Variants in ERBB4 observed in about 807,000 individuals in gnomAD.
The protein encoded by ERBB4 is erb-b2 receptor tyrosine kinase 4, also known as receptor tyrosine-protein kinase erbB-4.
A neutral mutation model predicts 158.0 loss-of-function variants in ERBB4; 42 were observed. That is an observed-to-expected ratio of 0.27 (90% CI 0.21 to 0.34). The LOEUF is 0.34. Among genes scored for constraint, ERBB4 ranks in the 10% least tolerant of loss-of-function variants. ERBB4 has a pLI of 1.00. For missense variants in ERBB4, 1,333 were observed against 1,624.1 expected (o/e 0.82, Z 3.08); for synonymous variants, 583 against 558.7 (o/e 1.04, Z -0.61).
At chr2:212,358,359 C>T (rs2089545965) in intron 1 of ERBB4, among the ~76,000 whole-genome samples, 1 of 150,892 alleles carries the variant, frequency 6.6e-6, no homozygotes. Context: ...GTTCTTAGCA[C>T]TTTTTTTAAA....
chr2:211,392,601 C>CA (rs1559122671), intron 25 of ERBB4, among the ~76,000 whole-genome samples: 33 of 134,224 alleles, frequency 2.5e-4, no homozygotes, highest in South Asian at 7.2e-4. Flanking sequence ...CACACACACA[C>CA]CCCAATAATG....
At chr2:212,149,502 C>A (rs2080797464) in intron 1 of ERBB4, among the ~76,000 whole-genome samples, 1 of 151,796 alleles carries the variant, frequency 6.6e-6, no homozygotes, top group Admixed American at 6.6e-5. Flanking sequence ...ACAATATTAC[C>A]AAATAAAAAA....
chr2:212,333,084 C>T lies in ERBB4; in HGVS notation c.82+205365G>A, dbSNP rs144387104. Among the ~76,000 whole-genome samples the T allele has an allele frequency of 4.6e-5, 7 of 152,116 alleles. No homozygotes were observed. In the East Asian group the frequency reaches 1.4e-3, roughly 30 times the overall value. The stretch of plus-strand genomic sequence containing the variant: ...TGTGAGGTGGTTAAAATGAAAAGCA[C>T]ACACATGTATACTTGCACACATATG... On this transcript the variant is annotated intron_variant, in intron 1 of 27. Transcript: ENST00000342788.
intron 3 of ERBB4, among the ~76,000 whole-genome samples, chr2:211,945,313 A>C (rs1158696805): frequency 2.0e-5 from 3 of 152,132 alleles, no homozygotes; most frequent in Admixed American, 1.3e-4. Context: ...ACTATCAACC[A>C]GAATACCTAA....
chr2:211,649,945 A>G (rs1442967574), intron 16 of ERBB4, among the ~76,000 whole-genome samples: 1 of 152,010 alleles, frequency 6.6e-6, no homozygotes, highest in Non-Finnish European at 1.5e-5. Context: ...GCTCCTGCCT[A>G]TATACATAGT....
chr2:212,143,277 G>A (rs1472065922), intron 1 of ERBB4, among the ~76,000 whole-genome samples: 1 of 152,020 alleles, frequency 6.6e-6, no homozygotes, highest in African/African-American at 2.4e-5. Context: ...CCTAACAATT[G>A]TATGCCAATT....
At chr2:212,160,664 T>C (rs888109704) in intron 1 of ERBB4, among the ~76,000 whole-genome samples, 5 of 152,044 alleles carry the variant, frequency 3.3e-5, no homozygotes, top group African/African-American at 1.2e-4. Flanking sequence ...TGCCAAATTC[T>C]ACTGAAAATT....
chr2:212,514,772 T>C (rs1183819034), intron 1 of ERBB4, among the ~76,000 whole-genome samples: 1 of 152,188 alleles, frequency 6.6e-6, no homozygotes, highest in Non-Finnish European at 1.5e-5. Context: ...ACCACTGTAC[T>C]CCAGCCTGGT....
chr2:211,460,653 G>A (rs2033645), intron 20 of ERBB4, among the ~76,000 whole-genome samples: 144,242 of 152,268 alleles, frequency 0.95, 68,335 homozygotes, highest in Middle Eastern at 0.99. Context: ...CAGTTTTTGT[G>A]TATTTCAACT....
intron 1 of ERBB4, among the ~76,000 whole-genome samples, chr2:212,381,287 G>T (rs2090495147): frequency 6.6e-6 from 1 of 151,248 alleles, no homozygotes; most frequent in Non-Finnish European, 1.5e-5. Context: ...AGAAGCAGTT[G>T]TACCTAAATG....
intron 3 of ERBB4, among the ~76,000 whole-genome samples, chr2:211,789,236 A>T (rs1267703940): frequency 1.3e-5 from 2 of 152,190 alleles, no homozygotes; most frequent in Admixed American, 1.3e-4. Flanking sequence ...AAAGTGTTCA[A>T]CTACAATTAA....
At chr2:212,237,770 C>A (rs1470141136) in intron 1 of ERBB4, among the ~76,000 whole-genome samples, 3 of 152,200 alleles carry the variant, frequency 2.0e-5, no homozygotes, top group Non-Finnish European at 4.4e-5. Flanking sequence ...TCAGAGATGT[C>A]CTGCCCAGAG....
intron 1 of ERBB4, among the ~76,000 whole-genome samples, chr2:212,457,458 C>T (rs921365909): frequency 6.6e-6 from 1 of 152,010 alleles, no homozygotes; most frequent in African/African-American, 2.4e-5. Context: ...AGAGTATCCT[C>T]TCAGAAATGG....
intron 7 of ERBB4, among the ~76,000 whole-genome samples, chr2:211,716,984 A>C (rs2073939586): frequency 6.6e-6 from 1 of 152,216 alleles, no homozygotes; most frequent in Non-Finnish European, 1.5e-5. Flanking sequence ...TGGAGTTGAC[A>C]GCTTTCAGGT....
At chr2:212,521,851 T>C (rs1471016998) in intron 1 of ERBB4, among the ~76,000 whole-genome samples, 1 of 151,898 alleles carries the variant, frequency 6.6e-6, no homozygotes, top group Admixed American at 6.6e-5. Flanking sequence ...CATGATCAAT[T>C]CCAAAAAGTT....
At chr2:211,567,139 G>A in intron 19 of ERBB4, among the ~76,000 whole-genome samples, 1 of 152,160 alleles carries the variant, frequency 6.6e-6, no homozygotes, top group East Asian at 1.9e-4. Context: ...TGCAAAATGA[G>A]GAAACCAAAA....
At chr2:211,976,370 T>A (rs553739447) in intron 2 of ERBB4, among the ~76,000 whole-genome samples, 1 of 152,302 alleles carries the variant, frequency 6.6e-6, no homozygotes, top group South Asian at 2.1e-4. Context: ...TTAATTAGCT[T>A]CATTTCTTGT....
chr2:212,019,757 G>A (rs1350940396), intron 2 of ERBB4, among the ~76,000 whole-genome samples: 1 of 17,642 alleles, frequency 5.7e-5, no homozygotes, highest in Non-Finnish European at 1.3e-4. Context: ...GCAACATTCT[G>A]TAAAAAAAAA....
intron 1 of ERBB4, among the ~76,000 whole-genome samples, chr2:212,150,482 A>G (rs1245501833): frequency 6.6e-6 from 1 of 152,168 alleles, no homozygotes; most frequent in African/African-American, 2.4e-5. Flanking sequence ...GAACTTCAGC[A>G]TATCTTTTAC....
Sources: allele counts gnomAD v4.1 joint callset (sites outside exome capture counted in the v4.1 genomes callset), GRCh38; gene constraint gnomAD v4.1.1; transcripts MANE v1.5; gene names NCBI Gene and HGNC (gene_info 2026-07-23, HGNC 2026-07-21).